Variants in ARSI observed in about 807,000 individuals in gnomAD.
ARSI encodes arylsulfatase I.
Under a neutral mutation model 42.1 loss-of-function variants are expected in ARSI, and 37 were observed. The ratio of observed to expected loss-of-function variants is 0.88; its 90% CI spans 0.68 to 1.16. ARSI has a LOEUF of 1.16. Ranked by LOEUF, ARSI falls within the 50% of genes most tolerant of loss-of-function variation. The pLI is 0.00. For synonymous variants in ARSI, 305 were observed against 320.3 expected (o/e 0.95, Z 0.51); for missense variants, 725 against 790.1 (o/e 0.92, Z 0.99).
At chr5:150,298,691 A>G in intron 1 of ARSI, 79 bp from the exon 2 acceptor site, 1 of 1,366,980 alleles carries the variant, frequency 7.3e-7, no homozygotes. Context: ...CCCCAGTACC[A>G]CTGTGAGGTG....
In ARSI at chr5:150,298,330, A is replaced by T; in HGVS notation, c.594T>A (p.Asn198Lys). ...ACTGGCCGCTGAGCCCCCAGGCCACATTCTCACCCTCGTGCAGGTCGAAGC... is the reference window on the plus strand; with the variant it reads ...ACTGGCCGCTGAGCCCCCAGGCCACTTTCTCACCCTCGTGCAGGTCGAAGC... ...VCGFDLHEGE[N>K]VAWGLSGQYS... The change falls in exon 2 of 2, where the codon AAT becomes AAA. Residue 198 changes from asparagine to lysine, a missense_variant. Physicochemically the swap from Asn to Lys is moderately conservative, Grantham distance 94. Transcript: ENST00000328668. 6.2e-7 allele frequency: 1 copy of T among 1,614,024 alleles called. No individual in the cohort carries two copies. Among genetic ancestry groups the T allele is most frequent in the Non-Finnish European group, 8.5e-7 (1 of 1,180,012 alleles).
Position 150,297,200 on chromosome 5 carries a change from C to G in ARSI, c.*14G>C. ...GGAAGATCCTCTAAAGGACAGTTTT[C>G]TCCCTCCCCACCATCAGATCCGTTG... is the stretch of plus-strand genomic sequence containing the variant. On this transcript the variant is annotated 3_prime_UTR_variant, in exon 2 of 2. Transcript: ENST00000328668. The surrounding 1 kb of genome is among the most constrained non-coding windows in gnomAD (Gnocchi z 7.0). 1.9e-6 allele frequency: 3 copies of G among 1,545,104 alleles called. No homozygotes were observed. Among genetic ancestry groups the G allele is most frequent in the Non-Finnish European group, 2.6e-6 (3 of 1,147,552 alleles).
intron 1 of ARSI, 39 bp from the exon 2 acceptor site, chr5:150,298,651 A>G (rs1757867582): frequency 1.9e-6 from 3 of 1,560,112 alleles, no homozygotes; most frequent in East Asian, 2.3e-5. Context: ...GGCACAGGTA[A>G]GCTACAGACC....
In ARSI at chr5:150,298,460, T is replaced by C; in HGVS notation, c.464A>G (p.Lys155Arg). 1 of 1,614,218 alleles carries C rather than the reference T, an allele frequency of 6.2e-7. No individual in the cohort carries two copies. Among genetic ancestry groups the C allele is most frequent in the Non-Finnish European group, 8.5e-7 (1 of 1,180,042 alleles). Residue 155 changes from lysine (K) to arginine (R), a missense_variant, in exon 2 of 2, where the codon AAG becomes AGG. Transcript: ENST00000328668. ...GCCCCGACGGGTGGGCAGACACTCC[T>C]TCCGGTAGAAGCCCAGGTGCCACTT... ...VGKWHLGFYRKECLPTRRGFD... is the reference protein window; with the variant it reads ...VGKWHLGFYRRECLPTRRGFD...
In ARSI at chr5:150,297,902, C is replaced by T. The variant is rs1276525407; in HGVS notation, c.1022G>A (p.Ser341Asn). The T allele has an allele frequency of 3.1e-6, 5 of 1,612,278 alleles. No homozygotes were observed. Among genetic ancestry groups the T allele is most frequent in the Admixed American group, 1.7e-5 (1 of 59,980 alleles). Residue 341 changes from serine (S) to asparagine (N), a missense_variant, in exon 2 of 2, where the codon AGC becomes AAC. Ser to Asn is a conservative substitution (Grantham distance 46, BLOSUM62 1). Coordinates refer to ENST00000328668, the MANE Select transcript of ARSI (RefSeq NM_001012301.4). The surrounding 1 kb of genome is among the most constrained non-coding windows in gnomAD (Gnocchi z 7.0). ...SPLLKRKQRTSRALMHITDWY... is the reference protein window; with the variant it reads ...SPLLKRKQRTNRALMHITDWY... ...GTCAGTGATGTGCATCAGTGCCCGGCTTGTCCGTTGCTTTCGCTTGAGCAG... is the reference window on the plus strand; with the variant it reads ...GTCAGTGATGTGCATCAGTGCCCGGTTTGTCCGTTGCTTTCGCTTGAGCAG...
Position 150,302,134 on chromosome 5 carries a change from C to G in ARSI, c.240G>C (p.Lys80Asn). 1 of 1,612,932 alleles carries G rather than the reference C, an allele frequency of 6.2e-7. No homozygotes were observed. Among genetic ancestry groups the G allele is most frequent in the Non-Finnish European group, 8.5e-7 (1 of 1,179,714 alleles). ...TGTAATAATTCTCCAACTTGACCCC[C>G]TTGGCCGCCAGCCTGTCCAGCGTAG... ...ETPTLDRLAA[K>N]GVKLENYYIQ... is the part of the protein sequence containing the mutation. The change falls in exon 1 of 2, where the codon AAG becomes AAC. Residue 80 changes from lysine (K) to asparagine (N), a missense_variant. Lys to Asn is a moderately conservative substitution (Grantham distance 94, BLOSUM62 0). Transcript: ENST00000328668. This position sits in a 1 kb window ranked among gnomAD's most constrained non-coding sequence, Gnocchi z 6.1.
At chr5:150,299,877 A>G (rs1252456295) in intron 1 of ARSI, among the ~76,000 whole-genome samples, 4 of 152,198 alleles carry the variant, frequency 2.6e-5, no homozygotes, top group Non-Finnish European at 5.9e-5. Context: ...AGGCAGGAGT[A>G]AATGGTTAGG....
At position 150,302,306 on chromosome 5, in the gene ARSI, G is replaced by C. The variant is rs774317467; in HGVS notation, c.68C>G (p.Ala23Gly). The change falls in exon 1 of 2, where the codon GCC becomes GGC. Residue 23 changes from alanine (A) to glycine (G), a missense_variant. Ala to Gly is a moderately conservative substitution (Grantham distance 60). Coordinates refer to ENST00000328668, the MANE Select transcript of ARSI (RefSeq NM_001012301.4). This position sits in a 1 kb window ranked among gnomAD's most constrained non-coding sequence, Gnocchi z 6.1. ...LSFGYLSWDW[A>G]KPSFVADGPG... ...CCCGTCGGCCACGAAGCTCGGCTTG[G>C]CCCAGTCCCAGGACAGGTAGCCGAA... The C allele has an allele frequency of 8.1e-6, 13 of 1,598,826 alleles. No homozygotes were observed. The East Asian group carries it at 2.9e-4, about 36-fold the overall frequency.
intron 1 of ARSI, among the ~76,000 whole-genome samples, chr5:150,300,223 T>C (rs1337320141): frequency 6.6e-6 from 1 of 152,194 alleles, no homozygotes; most frequent in Non-Finnish European, 1.5e-5. Flanking sequence ...TACACATACA[T>C]TATCTCATTT....
Position 150,298,483 on chromosome 5 carries a change from C to G in ARSI, c.441G>C (p.Lys147Asn), listed in dbSNP as rs765467221. 1 of 1,614,242 alleles carries G rather than the reference C, an allele frequency of 6.2e-7. No individual in the cohort carries two copies. Among genetic ancestry groups the G allele is most frequent in the East Asian group, 2.2e-5 (1 of 44,888 alleles). Residue 147 changes from lysine to asparagine, a missense_variant, in exon 2 of 2, where the codon AAG becomes AAC. Transcript: ENST00000328668. The part of the protein sequence containing the change: ...EAGYSTHMVG[K>N]WHLGFYRKEC... ...CCTTCCGGTAGAAGCCCAGGTGCCACTTGCCCACCATATGGGTGGAATAAC... is the reference window on the plus strand; with the variant it reads ...CCTTCCGGTAGAAGCCCAGGTGCCAGTTGCCCACCATATGGGTGGAATAAC...
Position 150,302,234 on chromosome 5 carries a change from G to A in ARSI, c.140C>T (p.Pro47Leu). Residue 47 changes from proline (P) to leucine (L), a missense_variant, in exon 1 of 2, where the codon CCC (proline) becomes CTC (leucine). Coordinates refer to ENST00000328668, the MANE Select transcript of ARSI (RefSeq NM_001012301.4). The surrounding 1 kb of genome is among the most constrained non-coding windows in gnomAD (Gnocchi z 6.1). ...EQPSAAPPQP[P>L]HIIFILTDDQ... ...GTCCGTGAGGATGAAGATGATGTGG[G>A]GAGGCTGGGGCGGAGCGGCCGAGGG... The A allele has an allele frequency of 6.2e-7, 1 of 1,613,334 alleles. No individual in the cohort carries two copies. Among genetic ancestry groups the A allele is most frequent in the Non-Finnish European group, 8.5e-7 (1 of 1,179,920 alleles).
In ARSI at chr5:150,297,895, T is replaced by C; in HGVS notation, c.1029A>G (p.Ala343=). 2 of 1,612,190 alleles carry C rather than the reference T, an allele frequency of 1.2e-6. No individual in the cohort carries two copies. The highest frequency in any genetic ancestry group is 1.1e-5 in the South Asian group (1 of 90,958). Reference sequence around the variant, plus strand: ...GGTACCAGTCAGTGATGTGCATCAGTGCCCGGCTTGTCCGTTGCTTTCGCT... The same window carrying C: ...GGTACCAGTCAGTGATGTGCATCAGCGCCCGGCTTGTCCGTTGCTTTCGCT... The part of the protein sequence containing the change: ...LLKRKQRTSR[A]LMHITDWYPT... The change falls in exon 2 of 2, where the codon GCA becomes GCG. Residue 343 remains alanine (A), a synonymous_variant. Coordinates refer to ENST00000328668, the MANE Select transcript of ARSI (RefSeq NM_001012301.4). This position sits in a 1 kb window ranked among gnomAD's most constrained non-coding sequence, Gnocchi z 7.0.
At position 150,297,188 on chromosome 5, in the gene ARSI, A is replaced by C. The variant is rs754922351; in HGVS notation, c.*26T>G. 2.3e-5 allele frequency: 35 copies of C among 1,538,860 alleles called. No individual in the cohort carries two copies. The highest frequency in any genetic ancestry group is 2.9e-5 in the Non-Finnish European group (33 of 1,145,338). ...AAGCCGGAGTGGGGAAGATCCTCTA[A>C]AGGACAGTTTTCTCCCTCCCCACCA... On this transcript the variant is annotated 3_prime_UTR_variant, in exon 2 of 2. Coordinates refer to ENST00000328668, the MANE Select transcript of ARSI (RefSeq NM_001012301.4). The surrounding 1 kb of genome is among the most constrained non-coding windows in gnomAD (Gnocchi z 7.0).
At chr5:150,298,660 C>G (rs376758991) in intron 1 of ARSI, 48 bp from the exon 2 acceptor site, 120 of 1,537,504 alleles carry the variant, frequency 7.8e-5, no homozygotes, top group Non-Finnish European at 8.4e-5. Context: ...AAGCTACAGA[C>G]CATTGCTCTG....
In ARSI at chr5:150,297,349, A is replaced by G. The variant is rs1413488427; in HGVS notation, c.1575T>C (p.Ser525=). The part of the protein sequence containing the change: ...FNGGAWGPWA[S]DEEEEEEEGR... ...CTTCCTCTTCCTCCTCTTCCTCATC[A>G]CTGGCCCAGGGCCCCCAAGCACCCC... Residue 525 remains serine, a synonymous_variant, in exon 2 of 2, where the codon AGT becomes AGC. Transcript: ENST00000328668. The surrounding 1 kb of genome is among the most constrained non-coding windows in gnomAD (Gnocchi z 7.0). The G allele has an allele frequency of 1.1e-5, 18 of 1,613,114 alleles. No individual in the cohort carries two copies. The highest frequency in any genetic ancestry group is 7.7e-5 in the South Asian group (7 of 90,958).
In ARSI at chr5:150,302,485, G is replaced by C; in HGVS notation, c.-112C>G. ...CTCGGATGCTGCGAGGGAGTTCAGCGCCCCCCGGGGACGGTCCAGTGTCTG... is the reference window on the plus strand; with the variant it reads ...CTCGGATGCTGCGAGGGAGTTCAGCCCCCCCCGGGGACGGTCCAGTGTCTG... On this transcript the variant is annotated 5_prime_UTR_variant, in exon 1 of 2. Coordinates refer to ENST00000328668, the MANE Select transcript of ARSI (RefSeq NM_001012301.4). The surrounding 1 kb of genome is among the most constrained non-coding windows in gnomAD (Gnocchi z 6.1). The C allele has an allele frequency of 1.3e-6, 1 of 775,714 alleles. No homozygotes were observed. The highest frequency in any genetic ancestry group is 1.8e-6 in the Non-Finnish European group (1 of 547,056). 48.1% of individuals were successfully genotyped at this position (775,714 alleles called of 1,614,324 possible).
chr5:150,297,512 G>C lies in ARSI; in HGVS notation c.1412C>G (p.Pro471Arg). The C allele has an allele frequency of 6.2e-7, 1 of 1,613,870 alleles. No homozygotes were observed. The highest frequency in any genetic ancestry group is 8.5e-7 in the Non-Finnish European group (1 of 1,179,926). ...AVWLFNISADPYEREDLAGQR... is the reference protein window; with the variant it reads ...AVWLFNISADRYEREDLAGQR... ...GCCAGCCAGGTCCTCCCGTTCATAA[G>C]GGTCAGCACTGATGTTGAAGAGCCA... Residue 471 changes from proline to arginine, a missense_variant, in exon 2 of 2, where the codon CCT becomes CGT. Coordinates refer to ENST00000328668, the MANE Select transcript of ARSI (RefSeq NM_001012301.4). This position sits in a 1 kb window ranked among gnomAD's most constrained non-coding sequence, Gnocchi z 7.0.
intron 1 of ARSI, among the ~76,000 whole-genome samples, chr5:150,300,210 C>A (rs530693686): frequency 6.6e-6 from 1 of 152,290 alleles, no homozygotes; most frequent in South Asian, 2.1e-4. Flanking sequence ...ACACTATGTG[C>A]CATACACATA....
chr5:150,299,544 A>G (rs534538440), intron 1 of ARSI, among the ~76,000 whole-genome samples: 5 of 152,172 alleles, frequency 3.3e-5, no homozygotes, highest in African/African-American at 1.2e-4. Context: ...GACCCAATTC[A>G]TTCTCTAGTT....
Sources: gnomAD v4.1 joint callset for allele counts (sites outside exome capture counted in the v4.1 genomes callset) on GRCh38, gnomAD v4.1.1 for gene constraint, Gnocchi (gnomAD v3.1) non-coding constraint, MANE v1.5 for transcripts, NCBI Gene and HGNC (gene_info 2026-07-23, HGNC 2026-07-21) for gene names.